GRM6: variants seen among roughly 807,000 people sequenced by gnomAD.
GRM6 encodes the protein metabotropic glutamate receptor 6.
A neutral mutation model predicts 78.4 loss-of-function variants in GRM6; 73 were observed. The observed-to-expected ratio is 0.93, with a 90% CI of 0.77 to 1.13. The LOEUF (loss-of-function observed/expected upper bound fraction) is 1.13. GRM6 is among the 50% of genes most tolerant of loss of function. GRM6 has a pLI of 0.00. For synonymous variants in GRM6, 580 were observed against 555.0 expected, an observed-to-expected ratio of 1.05 and a Z score of -0.63; for missense variants, 1,251 against 1,256.4, an observed-to-expected ratio of 1.00 and a Z score of 0.07.
At chr5:178,985,442 G>A (rs1204935936) in intron 9 of GRM6, among the ~76,000 whole-genome samples, 178 of 150,874 alleles carry the variant, frequency 1.2e-3, no homozygotes, top group African/African-American at 3.8e-3. Flanking sequence ...AGCGGCTCCC[G>A]CCTGTCATCC....
Position 178,986,740 on chromosome 5 carries a change from T to C in GRM6, c.1514A>G (p.Gln505Arg). The C allele has an allele frequency of 6.2e-7, 1 of 1,606,954 alleles. No homozygotes were observed. The highest frequency in any genetic ancestry group is 8.5e-7 in the Non-Finnish European group (1 of 1,179,258). Residue 505 changes from glutamine to arginine, a missense_variant, in exon 9 of 11, where the codon CAG becomes CGG. Physicochemically the swap from Gln to Arg is conservative, Grantham distance 43 (BLOSUM62 1). Coordinates refer to ENST00000517717, the MANE Select transcript of GRM6 (RefSeq NM_000843.4). ...ETLRLDVEAL[Q>R]WSGDPHEVPS... ...CACCTCGTGGGGGTCGCCAGACCAC[T>C]GCAGGGCCTCCACCTGGGACGCACA...
chr5:178,983,471 C>T (rs753735741), intron 9 of GRM6: 8 of 679,846 alleles, frequency 1.2e-5, no homozygotes, highest in South Asian at 6.0e-5. Context: ...CTGTGCCGCC[C>T]GTATATGTTG....
chr5:178,989,043 G>C lies in GRM6; in HGVS notation c.1246C>G (p.His416Asp). 1 of 1,614,060 alleles carries C rather than the reference G, an allele frequency of 6.2e-7. No homozygotes were observed. Among genetic ancestry groups the C allele is most frequent in the South Asian group, 1.1e-5 (1 of 91,078 alleles). ...DAVYAIAHAL[H>D]SMHQALCPGH... is the part of the protein sequence containing the mutation. ...GGGCAGAGCGCCTGGTGCATGCTGT[G>C]GAGGGCGTGGGCAATGGCGTACACC... The change falls in exon 7 of 11, where the codon CAC becomes GAC. Residue 416 changes from histidine to aspartate, a missense_variant. Coordinates refer to ENST00000517717, the MANE Select transcript of GRM6 (RefSeq NM_000843.4).
In GRM6 at chr5:178,988,089, A is replaced by G. The variant is rs575209018; in HGVS notation, c.1354+846T>C. ...TGTATTTAATATCACTGAACTCTAC[A>G]CTTAAAAAATGGTTAAGGTGATACA... On this transcript the variant is annotated intron_variant, in intron 7 of 10. Coordinates refer to ENST00000517717, the MANE Select transcript of GRM6 (RefSeq NM_000843.4). The surrounding 1 kb of genome is among the most constrained non-coding windows in gnomAD (Gnocchi z 6.0). Among the ~76,000 whole-genome samples, 49 of 152,250 alleles carry G rather than the reference A, an allele frequency of 3.2e-4. No individual in the cohort carries two copies. In the South Asian group the frequency reaches 9.3e-3, roughly 29 times the overall value.
At chr5:178,985,314 C>A in intron 9 of GRM6, 1 of 454,636 alleles carries the variant, frequency 2.2e-6, no homozygotes, top group Non-Finnish European at 4.4e-6. Context: ...ACCTGACTGC[C>A]CCGTTTTCCT....
chr5:178,985,827 T>C lies in GRM6; in HGVS notation c.2124+303A>G, dbSNP rs189255921. ...CCCAAGCTGGATTGTAGTGGTGCGATCTTGGCTCACAGCAACCTTCAACTC... is the reference window on the plus strand; with the variant it reads ...CCCAAGCTGGATTGTAGTGGTGCGACCTTGGCTCACAGCAACCTTCAACTC... On this transcript the variant is annotated intron_variant, in intron 9 of 10. Transcript: ENST00000517717. 380 of 531,358 alleles carry C rather than the reference T, an allele frequency of 7.2e-4. 2 individuals are homozygous for C. The highest frequency in any genetic ancestry group is 6.3e-3 in the African/African-American group (330 of 52,152). 32.9% of individuals were successfully genotyped at this position (531,358 alleles called of 1,614,324 possible).
At position 178,986,501 on chromosome 5, in the gene GRM6, A is replaced by T. The variant is rs989297573; in HGVS notation, c.1753T>A (p.Trp585Arg). The part of the protein sequence containing the change: ...PVVRLSWSSP[W>R]AAPPLLLAVL... Reference sequence around the variant, plus strand: ...GCCAGGAGGAGCGGCGGGGCTGCCCAGGGGGAGGACCAGCTCAGGCGCACC... The same window carrying T: ...GCCAGGAGGAGCGGCGGGGCTGCCCTGGGGGAGGACCAGCTCAGGCGCACC... Residue 585 changes from tryptophan (W) to arginine (R), a missense_variant, in exon 9 of 11, where the codon TGG becomes AGG. Coordinates refer to ENST00000517717, the MANE Select transcript of GRM6 (RefSeq NM_000843.4). 21 of 1,605,242 alleles carry T rather than the reference A, an allele frequency of 1.3e-5. No homozygotes were observed. Among genetic ancestry groups the T allele is most frequent in the Non-Finnish European group, 1.4e-5 (17 of 1,176,378 alleles).
chr5:178,991,293 A>C lies in GRM6; in HGVS notation c.857+131T>G. 1 of 885,368 alleles carries C rather than the reference A, an allele frequency of 1.1e-6. No individual in the cohort carries two copies. The allele number at this position is 885,368 out of a possible 1,614,324, so 54.8% of individuals were successfully genotyped here. On this transcript the variant is annotated intron_variant, in intron 4 of 10. Coordinates refer to ENST00000517717, the MANE Select transcript of GRM6 (RefSeq NM_000843.4). The surrounding 1 kb of genome is among the most constrained non-coding windows in gnomAD (Gnocchi z 5.0). ...GGGCACCAGACTCAGAGGCAGCAGC[A>C]GGGAAGGTGGGGGGTGCGGGGAGCA...
At position 178,981,891 on chromosome 5, in the gene GRM6, C is replaced by T. The variant is rs372122761; in HGVS notation, c.2437-37G>A. 2.6e-5 allele frequency: 32 copies of T among 1,213,900 alleles called. No homozygotes were observed. Among genetic ancestry groups the T allele is most frequent in the Middle Eastern group, 1.9e-4 (1 of 5,302 alleles). 75.2% of individuals were successfully genotyped at this position (1,213,900 alleles called of 1,614,324 possible). ...AAGAGGGGACCAGATGGGACTCAGC[C>T]CTGCTCTCCCTGCCCCGCTCCACAC... is the stretch of plus-strand genomic sequence containing the variant. On this transcript the variant is annotated intron_variant, in intron 10 of 10. Coordinates refer to ENST00000517717, the MANE Select transcript of GRM6 (RefSeq NM_000843.4). The surrounding 1 kb of genome is among the most constrained non-coding windows in gnomAD (Gnocchi z 5.1).
At position 178,986,979 on chromosome 5, in the gene GRM6, G is replaced by A. The variant is rs151126110; in HGVS notation, c.1359C>T (p.Ser453=). 363 of 1,613,416 alleles carry A rather than the reference G, an allele frequency of 2.2e-4. 2 individuals carry two copies. In the East Asian group the frequency reaches 3.1e-3, roughly 14 times the overall value. The change falls in exon 8 of 11, where the codon AGC becomes AGT. Residue 453 remains serine, a synonymous_variant. Coordinates refer to ENST00000517717, the MANE Select transcript of GRM6 (RefSeq NM_000843.4). The part of the protein sequence containing the change: ...QYIRAVRFNG[S]AGTPVMFNEN... ...CGTTGAACATCACAGGGGTTCCTGCGCTGCCTGGAGAGAGAGTCCGTCATC... is the reference window on the plus strand; with the variant it reads ...CGTTGAACATCACAGGGGTTCCTGCACTGCCTGGAGAGAGAGTCCGTCATC...
rs1581890834 is a variant in GRM6 at position 178,981,899 on chromosome 5, C to T, written c.2437-45G>A. 8.6e-7 allele frequency: 1 copy of T among 1,160,750 alleles called. No individual in the cohort carries two copies. The highest frequency in any genetic ancestry group is 1.3e-6 in the Non-Finnish European group (1 of 767,040). 71.9% of individuals were successfully genotyped at this position (1,160,750 alleles called of 1,614,324 possible). ...ACCAGATGGGACTCAGCCCTGCTCT[C>T]CCTGCCCCGCTCCACACAGTCCTCA... On this transcript the variant is annotated intron_variant, in intron 10 of 10. Coordinates refer to ENST00000517717, the MANE Select transcript of GRM6 (RefSeq NM_000843.4). This position sits in a 1 kb window ranked among gnomAD's most constrained non-coding sequence, Gnocchi z 5.1.
intron 9 of GRM6, chr5:178,985,400 G>T (rs1421601806): frequency 8.9e-6 from 3 of 336,556 alleles, no homozygotes; most frequent in East Asian, 1.7e-4. Context: ...ATTTCCTGTG[G>T]CCTTAAAAAA....
chr5:178,982,667 A>G (rs1290998533), intron 10 of GRM6: 4 of 470,770 alleles, frequency 8.5e-6, no homozygotes, highest in East Asian at 6.9e-5. Context: ...GAGTGAGGCA[A>G]TATCTCTCAA....
At chr5:178,989,429 G>A in intron 5 of GRM6, 24 bp from the exon 6 acceptor site, 1 of 1,613,716 alleles carries the variant, frequency 6.2e-7, no homozygotes, top group Non-Finnish European at 8.5e-7. Flanking sequence ...AGAAGGGGGA[G>A]GGTGGCGCTG....
chr5:178,985,608 C>A (rs558118519), intron 9 of GRM6: 9 of 352,166 alleles, frequency 2.6e-5, no homozygotes, highest in South Asian at 4.3e-5. Flanking sequence ...GAGGCTGAGG[C>A]AGGAGAATGG....
rs748405613 is a variant in GRM6, at chr5:178,991,843, G to A, written c.721+24C>T. 1.9e-6 allele frequency: 3 copies of A among 1,591,878 alleles called. No homozygotes were observed. Among genetic ancestry groups the A allele is most frequent in the South Asian group, 1.1e-5 (1 of 90,404 alleles). On this transcript the variant is annotated intron_variant, in intron 3 of 10. Coordinates refer to ENST00000517717, the MANE Select transcript of GRM6 (RefSeq NM_000843.4). The surrounding 1 kb of genome is among the most constrained non-coding windows in gnomAD (Gnocchi z 5.0). ...CGGGCCCACACTATGTAGACTCCTT[G>A]GTGCCTCGGAGCCCCCAGCTCACCA...
chr5:178,992,420 A>G lies in GRM6; in HGVS notation c.505-337T>C, dbSNP rs1271148839. The G allele has an allele frequency of 2.3e-6, 1 of 437,942 alleles. No individual in the cohort carries two copies. The allele number at this position is 437,942 out of a possible 1,614,324, so 27.1% of individuals were successfully genotyped here. A position where few individuals can be genotyped will look rare whatever the true frequency, so the allele number is the denominator to read the frequency against. ...ACCCCCAGCAGAGGGCCTGCAGCCCATCCAGCTGCATCTGCCTGTCCTAGT... is the reference window on the plus strand; with the variant it reads ...ACCCCCAGCAGAGGGCCTGCAGCCCGTCCAGCTGCATCTGCCTGTCCTAGT... On this transcript the variant is annotated intron_variant, in intron 2 of 10. Transcript: ENST00000517717. This position sits in a 1 kb window ranked among gnomAD's most constrained non-coding sequence, Gnocchi z 4.9.
Position 178,989,088 on chromosome 5 carries a change from CCTTGCCCT to C in GRM6, c.1193_1200del (p.Glu398GlyfsTer6). ...TACACCGCATCAATCACAAACTGCA[CCTTGCCCT>C]CCTGCTCGTAGGTGGAGTCCCGGCC... is the stretch of plus-strand genomic sequence containing the variant. On this transcript the variant is annotated frameshift_variant, in exon 7 of 11. Coordinates refer to ENST00000517717, the MANE Select transcript of GRM6 (RefSeq NM_000843.4). LOFTEE classifies it high-confidence loss of function. The C allele has an allele frequency of 6.2e-7, 1 of 1,613,984 alleles. No individual in the cohort carries two copies. The highest frequency in any genetic ancestry group is 1.1e-5 in the South Asian group (1 of 91,068).
chr5:178,983,992 T>C (rs58175257), intron 9 of GRM6, among the ~76,000 whole-genome samples: 8,688 of 152,304 alleles, frequency 0.057, 319 homozygotes, highest in East Asian at 0.15. Flanking sequence ...CAGGGCCATG[T>C]GATCCTGCTG....
Sources: allele counts gnomAD v4.1 joint callset (sites outside exome capture counted in the v4.1 genomes callset), GRCh38; gene constraint gnomAD v4.1.1; non-coding constraint Gnocchi (gnomAD v3.1); transcripts MANE v1.5; gene names NCBI Gene and HGNC (gene_info 2026-07-23, HGNC 2026-07-21).